Variants in APEX2 observed in about 807,000 individuals in gnomAD.
APEX2 encodes apurinic/apyrimidinic endodeoxyribonuclease 2.
Under a neutral mutation model 16.7 loss-of-function variants are expected in APEX2, and 4 were observed. That is an observed-to-expected ratio of 0.24 (90% CI 0.12 to 0.55). The LOEUF (loss-of-function observed/expected upper bound fraction) is 0.55. APEX2 is among the 20% of genes least tolerant of loss of function. The probability of loss-of-function intolerance (pLI) is 0.94; values close to 1 mark genes in which losing one functional copy is unlikely to be tolerated. For synonymous variants in APEX2, 181 were observed against 166.9 expected (o/e 1.08, Z -0.65); for missense variants, 357 against 433.6 (o/e 0.82, Z 1.57).
At position 55,000,541 on chromosome X, in the gene APEX2, A is replaced by G; in HGVS notation, c.119A>G (p.Asp40Gly). The part of the protein sequence containing the change: ...VAVGRILDEL[D>G]ADIVCLQETK... ...GTGGGGCGCATTTTGGACGAGCTGG[A>G]TGCGGATATCGTCTGTCTCCAGGAA... The change falls in exon 1 of 6, where the codon GAT (aspartate) becomes GGT (glycine). Residue 40 changes from aspartate (D) to glycine (G), a missense_variant. Physicochemically the swap from Asp to Gly is moderately conservative, Grantham distance 94 (BLOSUM62 -1). Coordinates refer to ENST00000374987, the MANE Select transcript of APEX2 (RefSeq NM_014481.4). 1 of 1,210,662 alleles carries G rather than the reference A, an allele frequency of 8.3e-7. No individual in the cohort carries two copies. The highest frequency in any genetic ancestry group is 1.1e-6 in the Non-Finnish European group (1 of 894,944).
intron 1 of APEX2, 115 bp from the exon 2 acceptor site, chrX:55,001,431 C>A: frequency 2.1e-6 from 1 of 481,342 alleles, no homozygotes; most frequent in Non-Finnish European, 3.3e-6. Context: ...TCCCGTCACC[C>A]CCAACTCTGG....
rs1935462793 is a variant in APEX2 at position 55,002,951 on chromosome X, CTT to C, written c.423-8_423-7del. Reference sequence around the variant, plus strand: ...AAACTGACCCCTTTTGGGGGTTTCTCTTTTCTCCAGCACATGGGAAGGTAAGG... The same window carrying C: ...AAACTGACCCCTTTTGGGGGTTTCTCTTCTCCAGCACATGGGAAGGTAAGG... On this transcript the variant is annotated splice_polypyrimidine_tract_variant and intron_variant, in intron 3 of 5. Transcript: ENST00000374987. The C allele has an allele frequency of 1.7e-6, 2 of 1,204,495 alleles. No individual in the cohort carries two copies. The highest frequency in any genetic ancestry group is 3.5e-5 in the African/African-American group (2 of 57,187).
At position 55,006,511 on chromosome X, in the gene APEX2, C is replaced by T; in HGVS notation, c.640-7C>T. 1 of 1,105,173 alleles carries T rather than the reference C, an allele frequency of 9.0e-7. No individual in the cohort carries two copies. Among genetic ancestry groups the T allele is most frequent in the Non-Finnish European group, 1.2e-6 (1 of 843,116 alleles). The allele number at this position is 1,105,173 out of a possible 1,213,427, so 91.1% of individuals were successfully genotyped here. On this transcript the variant is annotated splice_polypyrimidine_tract_variant and splice_region_variant and intron_variant, in intron 5 of 5. Coordinates refer to ENST00000374987, the MANE Select transcript of APEX2 (RefSeq NM_014481.4). ...CTCTCTTCCAACCCCCTTTCCTCCT[C>T]ACCTAGGAATGCTTTGAAGAGGACC...
At position 55,008,323 on chromosome X, in the gene APEX2, C is replaced by T. The variant is rs1201803841; in HGVS notation, c.*888C>T. 1 of 111,915 alleles carries T rather than the reference C, an allele frequency of 8.9e-6. No homozygotes were observed. Among genetic ancestry groups the T allele is most frequent in the Non-Finnish European group, 1.9e-5 (1 of 53,191 alleles). The allele number at this position is 111,915 out of a possible 1,213,427, so 9.2% of individuals were successfully genotyped here. Reference sequence around the variant, plus strand: ...GGCACAGTGGTGCACGCCTGTAATCCCAGCACTTTGGGAGGCTGAGATGGG... The same window carrying T: ...GGCACAGTGGTGCACGCCTGTAATCTCAGCACTTTGGGAGGCTGAGATGGG... On this transcript the variant is annotated 3_prime_UTR_variant, in exon 6 of 6. Coordinates refer to ENST00000374987, the MANE Select transcript of APEX2 (RefSeq NM_014481.4).
At position 55,004,952 on chromosome X, in the gene APEX2, T is replaced by C. The variant is rs939169600; in HGVS notation, c.639+1084T>C. Among the ~76,000 whole-genome samples the C allele has an allele frequency of 5.2e-4, 58 of 111,850 alleles. 1 individual carries two copies. Among genetic ancestry groups the C allele is most frequent in the African/African-American group, 1.8e-3 (56 of 30,712 alleles). The stretch of plus-strand genomic sequence containing the variant: ...CAGCCAGGCTTGAGAACCACTGCCC[T>C]AGAATCCACAAGCCAGCTCTCATCT... On this transcript the variant is annotated intron_variant, in intron 5 of 5. Transcript: ENST00000374987.
rs1180828606 is a variant in APEX2, at chrX:55,000,397, G to A, written c.-26G>A. On this transcript the variant is annotated 5_prime_UTR_variant, in exon 1 of 6. Transcript: ENST00000374987. Reference sequence around the variant, plus strand: ...TTCGCTCGCGCCTAGGTTGGCGCGGGCTGGGAGGTGTTCCAGCCCTTTAAG... The same window carrying A: ...TTCGCTCGCGCCTAGGTTGGCGCGGACTGGGAGGTGTTCCAGCCCTTTAAG... The A allele has an allele frequency of 8.8e-7, 1 of 1,140,475 alleles. No homozygotes were observed. Among genetic ancestry groups the A allele is most frequent in the Non-Finnish European group, 1.2e-6 (1 of 858,767 alleles). 94.0% of individuals were successfully genotyped at this position (1,140,475 alleles called of 1,213,427 possible).
intron 5 of APEX2, among the ~76,000 whole-genome samples, chrX:55,005,175 T>G (rs886996393): frequency 1.8e-5 from 2 of 111,794 alleles, no homozygotes; most frequent in African/African-American, 6.5e-5. Context: ...GGTGGTGGTG[T>G]GGTGGGGAGC....
chrX:55,007,443 G>A lies in APEX2; in HGVS notation c.*8G>A, dbSNP rs760081056. On this transcript the variant is annotated 3_prime_UTR_variant, in exon 6 of 6. Transcript: ENST00000374987. ...TGGAGCAGGCCCAGCTGAACCAATG[G>A]AGGCCTGGGGACATCTGGCATGGTC... is the stretch of plus-strand genomic sequence containing the variant. The A allele has an allele frequency of 6.1e-6, 7 of 1,139,554 alleles. No homozygotes were observed. Among genetic ancestry groups the A allele is most frequent in the Non-Finnish European group, 8.2e-6 (7 of 858,619 alleles). The allele number at this position is 1,139,554 out of a possible 1,213,427, so 93.9% of individuals were successfully genotyped here.
In APEX2 at chrX:55,008,372, C is replaced by G. The variant is rs1030861421; in HGVS notation, c.*937C>G. ...GGTGGATCACCTGAGGTCAGGAGTT[C>G]GCAACCAGCCTAACATGGTGAGACC... On this transcript the variant is annotated 3_prime_UTR_variant, in exon 6 of 6. Transcript: ENST00000374987. 1 of 111,033 alleles carries G rather than the reference C, an allele frequency of 9.0e-6. No homozygotes were observed. Among genetic ancestry groups the G allele is most frequent in the African/African-American group, 3.3e-5 (1 of 30,495 alleles). The allele number at this position is 111,033 out of a possible 1,213,427, so 9.2% of individuals were successfully genotyped here.
chrX:55,006,504 T>G lies in APEX2; in HGVS notation c.640-14T>G. 1 of 1,101,449 alleles carries G rather than the reference T, an allele frequency of 9.1e-7. No individual in the cohort carries two copies. The highest frequency in any genetic ancestry group is 1.2e-6 in the Non-Finnish European group (1 of 840,923). 90.8% of individuals were successfully genotyped at this position (1,101,449 alleles called of 1,213,427 possible). A position where few individuals can be genotyped will look rare whatever the true frequency, so the allele number is the denominator to read the frequency against. On this transcript the variant is annotated splice_polypyrimidine_tract_variant and intron_variant, in intron 5 of 5. Transcript: ENST00000374987. ...TGTCTCTCTCTCTTCCAACCCCCTT[T>G]CCTCCTCACCTAGGAATGCTTTGAA...
chrX:55,004,850 TC>T (rs1460781747), intron 5 of APEX2, among the ~76,000 whole-genome samples: 1 of 111,540 alleles, frequency 9.0e-6, no homozygotes, highest in Admixed American at 9.5e-5. Context: ...CTACTCCAGA[TC>T]AATGAACTCA....
chrX:55,006,991 A>G lies in APEX2; in HGVS notation c.1113A>G (p.Lys371=), dbSNP rs758935279. 4.1e-6 allele frequency: 5 copies of G among 1,210,250 alleles called. No homozygotes were observed. The highest frequency in any genetic ancestry group is 5.9e-5 in the East Asian group (2 of 33,766). ...CCCGGGTACAGACATGCCAAAACAAAGCCCAAGTGCGCTCAACCAGGCCTC... is the reference window on the plus strand; with the variant it reads ...CCCGGGTACAGACATGCCAAAACAAGGCCCAAGTGCGCTCAACCAGGCCTC... ...NQTRVQTCQN[K]AQVRSTRPQP... Residue 371 remains lysine (K), a synonymous_variant, in exon 6 of 6, where the codon AAA becomes AAG. Transcript: ENST00000374987.
chrX:55,006,443 T>G, intron 5 of APEX2, 75 bp from the exon 6 acceptor site: 2 of 881,839 alleles, frequency 2.3e-6, no homozygotes, highest in Non-Finnish European at 1.5e-6. Context: ...ATGCAGCAGT[T>G]AGTCTAAGTC....
At chrX:55,000,635 G>T in intron 1 of APEX2, 56 bp downstream of exon 1, 1 of 1,109,117 alleles carries the variant, frequency 9.0e-7, no homozygotes, top group Non-Finnish European at 1.2e-6. Context: ...GCTAACTTTT[G>T]TCCCCTGTCC....
Position 55,007,776 on chromosome X carries a change from T to A in APEX2, c.*341T>A, listed in dbSNP as rs888678684. 5.1e-6 allele frequency: 1 copy of A among 194,649 alleles called. No homozygotes were observed. Among genetic ancestry groups the A allele is most frequent in the African/African-American group, 3.0e-5 (1 of 33,893 alleles). The allele number at this position is 194,649 out of a possible 1,213,427, so 16.0% of individuals were successfully genotyped here. Reference sequence around the variant, plus strand: ...AAAGTCTGTGTATTTGTTTCAGGGTTGCACTTTGGACATTGTGGAGGTACT... The same window carrying A: ...AAAGTCTGTGTATTTGTTTCAGGGTAGCACTTTGGACATTGTGGAGGTACT... On this transcript the variant is annotated 3_prime_UTR_variant, in exon 6 of 6. Transcript: ENST00000374987.
In APEX2 at chrX:55,000,386, G is replaced by C. The variant is rs956911789; in HGVS notation, c.-37G>C. 5.3e-6 allele frequency: 6 copies of C among 1,122,072 alleles called. No homozygotes were observed. Among genetic ancestry groups the C allele is most frequent in the Middle Eastern group, 2.7e-4 (1 of 3,747 alleles). 92.5% of individuals were successfully genotyped at this position (1,122,072 alleles called of 1,213,427 possible). A position where few individuals can be genotyped will look rare whatever the true frequency, so the allele number is the denominator to read the frequency against. ...ACAGGAAGCAGTTCGCTCGCGCCTA[G>C]GTTGGCGCGGGCTGGGAGGTGTTCC... On this transcript the variant is annotated 5_prime_UTR_variant, in exon 1 of 6. Coordinates refer to ENST00000374987, the MANE Select transcript of APEX2 (RefSeq NM_014481.4).
rs1162087258 is a variant in APEX2, at chrX:55,000,574, T to G, written c.152T>G (p.Val51Gly). The change falls in exon 1 of 6, where the codon GTG becomes GGG. Residue 51 changes from valine to glycine, a missense_variant. Physicochemically the swap from Val to Gly is moderately radical, Grantham distance 109. Coordinates refer to ENST00000374987, the MANE Select transcript of APEX2 (RefSeq NM_014481.4). ...ATCGTCTGTCTCCAGGAAACCAAAG[T>G]GACCAGTGAGCGCTCTGGATTCCAG... ...ADIVCLQETKVTRDALTEPLA... is the reference protein window; with the variant it reads ...ADIVCLQETKGTRDALTEPLA... The G allele has an allele frequency of 1.7e-6, 2 of 1,203,571 alleles. No individual in the cohort carries two copies. Among genetic ancestry groups the G allele is most frequent in the African/African-American group, 3.5e-5 (2 of 56,894 alleles).
intron 5 of APEX2, among the ~76,000 whole-genome samples, chrX:55,006,095 C>T (rs757471177): frequency 1.3e-4 from 14 of 106,183 alleles, no homozygotes; most frequent in Non-Finnish European, 1.9e-5. Flanking sequence ...GGCTTTGACA[C>T]ACTAGATAAA....
In APEX2 at chrX:55,007,454, A is replaced by G; in HGVS notation, c.*19A>G. The G allele has an allele frequency of 8.8e-7, 1 of 1,130,593 alleles. No individual in the cohort carries two copies. Among genetic ancestry groups the G allele is most frequent in the African/African-American group, 1.8e-5 (1 of 55,224 alleles). 93.2% of individuals were successfully genotyped at this position (1,130,593 alleles called of 1,213,427 possible). On this transcript the variant is annotated 3_prime_UTR_variant, in exon 6 of 6. Transcript: ENST00000374987. ...CAGCTGAACCAATGGAGGCCTGGGG[A>G]CATCTGGCATGGTCACCCCTGCACA...
Sources: allele counts gnomAD v4.1 joint callset (sites outside exome capture counted in the v4.1 genomes callset), GRCh38; gene constraint gnomAD v4.1.1; transcripts MANE v1.5; gene names NCBI Gene and HGNC (gene_info 2026-07-23, HGNC 2026-07-21).